VDAC1: variants seen among roughly 807,000 people sequenced by gnomAD.
VDAC1 encodes voltage dependent anion channel 1, also known as non-selective voltage-gated ion channel VDAC1.
In VDAC1, 10 loss-of-function variants were observed where a neutral mutation model predicts 34.7. The ratio of observed to expected loss-of-function variants is 0.29; its 90% CI spans 0.18 to 0.49. The LOEUF is 0.49. VDAC1 is among the 20% of genes least tolerant of loss of function. The pLI is 0.99. For synonymous variants in VDAC1, 130 were observed against 136.0 expected (o/e 0.96, Z 0.30); for missense variants, 230 against 347.9 (o/e 0.66, Z 2.69).
intron 6 of VDAC1, among the ~76,000 whole-genome samples, chr5:133,977,177 C>T (rs1304475357): frequency 1.3e-5 from 2 of 152,242 alleles, no homozygotes; most frequent in African/African-American, 2.4e-5. Context: ...GCACAACCTG[C>T]TGCAGCCACT....
the VDAC1 span, among the ~76,000 whole-genome samples, chr5:134,048,286 T>C: frequency 6.7e-6 from 1 of 148,926 alleles, no homozygotes; most frequent in Non-Finnish European, 1.5e-5. Context: ...TTCTCTCTTT[T>C]GAGACAGTCT....
intron 1 of VDAC1, among the ~76,000 whole-genome samples, chr5:134,002,266 A>G (rs1035558495): frequency 4.6e-5 from 7 of 152,208 alleles, no homozygotes; most frequent in Non-Finnish European, 1.0e-4. Context: ...TCATCCCTGT[A>G]TGGTCCCCCA....
the VDAC1 span, among the ~76,000 whole-genome samples, chr5:134,113,361 C>T: frequency 2.6e-5 from 4 of 152,310 alleles, no homozygotes; most frequent in Admixed American, 6.5e-5. Flanking sequence ...GCTGGGCGGG[C>T]ACAGATAGGA....
chr5:134,065,509 T>G, the VDAC1 span, among the ~76,000 whole-genome samples: 1 of 151,582 alleles, frequency 6.6e-6, no homozygotes, highest in African/African-American at 2.4e-5. Flanking sequence ...CCCAGCCAAT[T>G]TTTGTATTTT....
At chr5:134,071,018 C>T in the VDAC1 span, among the ~76,000 whole-genome samples, 16 of 152,334 alleles carry the variant, frequency 1.1e-4, no homozygotes, top group Non-Finnish European at 1.9e-4. The surrounding 1 kb of genome is among the most constrained non-coding windows in gnomAD (Gnocchi z 4.1). Context: ...AAACCCCGCC[C>T]AGCAGAGGAA....
the VDAC1 span, among the ~76,000 whole-genome samples, chr5:134,070,488 G>T: frequency 6.6e-6 from 1 of 151,990 alleles, no homozygotes; most frequent in Non-Finnish European, 1.5e-5. Context: ...TTAAATACAT[G>T]ATTATGGCGT....
chr5:133,975,658 C>T (rs888769040), intron 7 of VDAC1, among the ~76,000 whole-genome samples: 1 of 151,928 alleles, frequency 6.6e-6, no homozygotes, highest in East Asian at 1.9e-4. Flanking sequence ...AGGGTTTCAC[C>T]GTGTTGGCGA....
intron 1 of VDAC1, among the ~76,000 whole-genome samples, chr5:134,002,730 G>A (rs1057014941): frequency 3.9e-5 from 6 of 152,102 alleles, no homozygotes; most frequent in African/African-American, 1.2e-4. Flanking sequence ...TTTGGGAGGC[G>A]GAGGCGGGTG....
chr5:133,982,940 A>G (rs1261763898), intron 5 of VDAC1, among the ~76,000 whole-genome samples: 1 of 151,710 alleles, frequency 6.6e-6, no homozygotes, highest in African/African-American at 2.4e-5. Flanking sequence ...TGAACAGACT[A>G]GAGATTTGAC....
chr5:134,026,734 G>A, the VDAC1 span, among the ~76,000 whole-genome samples: 4 of 151,992 alleles, frequency 2.6e-5, no homozygotes, highest in South Asian at 2.1e-4. Context: ...TGAGCCATGG[G>A]TGCACTCCCA....
chr5:134,091,947 G>C, the VDAC1 span, among the ~76,000 whole-genome samples: 1 of 152,228 alleles, frequency 6.6e-6, no homozygotes, highest in African/African-American at 2.4e-5. Flanking sequence ...GTCAGATCCT[G>C]GCCTTCCTGC....
At chr5:133,983,161 A>G (rs1752766037) in intron 5 of VDAC1, among the ~76,000 whole-genome samples, 1 of 151,946 alleles carries the variant, frequency 6.6e-6, no homozygotes, top group African/African-American at 2.4e-5. Flanking sequence ...AGGCAGGACA[A>G]TCACTTGAAC....
At chr5:134,048,292 A>G in the VDAC1 span, among the ~76,000 whole-genome samples, 2 of 144,720 alleles carry the variant, frequency 1.4e-5, no homozygotes, top group Non-Finnish European at 3.0e-5. Flanking sequence ...CTTTTGAGAC[A>G]GTCTCGCTCT....
At chr5:134,018,497 C>A in the VDAC1 span, among the ~76,000 whole-genome samples, 6 of 152,180 alleles carry the variant, frequency 3.9e-5, no homozygotes, top group Non-Finnish European at 7.3e-5. Flanking sequence ...AGGAATCGTG[C>A]CTCTTGGGTT....
At chr5:134,008,814 A>T (rs1753792304), upstream of VDAC1, among the ~76,000 whole-genome samples, 1 of 152,202 alleles carries the variant, frequency 6.6e-6, no homozygotes, top group Admixed American at 6.6e-5. Flanking sequence ...GCATCAATTA[A>T]TTGGATTATA....
At chr5:133,979,424 C>CTTTTTTTTTTTTCT (rs1752603095) in intron 6 of VDAC1, among the ~76,000 whole-genome samples, 1 of 80,992 alleles carries the variant, frequency 1.2e-5, no homozygotes, top group Non-Finnish European at 2.1e-5. Flanking sequence ...ATTTTCTTTG[C>CTTTTTTTTTTTTCT]TTTTTTTTTT....
intron 1 of VDAC1, among the ~76,000 whole-genome samples, chr5:133,997,830 G>A (rs1244604886): frequency 3.3e-5 from 5 of 151,980 alleles, no homozygotes; most frequent in Non-Finnish European, 5.9e-5. Flanking sequence ...TTGGGAGGCC[G>A]AGGTGGGCGG....
chr5:134,009,245 TTC>T (rs1427792234), upstream of VDAC1, among the ~76,000 whole-genome samples: 108 of 147,792 alleles, frequency 7.3e-4, 1 homozygote, highest in African/African-American at 2.6e-3. Context: ...AATTTATCAA[TTC>T]TTTTTTTTTT....
intron 3 of VDAC1, among the ~76,000 whole-genome samples, 199 bp downstream of exon 3, chr5:133,992,107 G>A (rs980377114): frequency 6.6e-6 from 1 of 152,080 alleles, no homozygotes; most frequent in East Asian, 1.9e-4. Flanking sequence ...ATGGTGGCGG[G>A]TGCCTGTAAT....
Sources: gnomAD v4.1 joint callset for allele counts (sites outside exome capture counted in the v4.1 genomes callset) on GRCh38, gnomAD v4.1.1 for gene constraint, Gnocchi (gnomAD v3.1) non-coding constraint, MANE v1.5 for transcripts, NCBI Gene and HGNC (gene_info 2026-07-23, HGNC 2026-07-21) for gene names.